Variants in ROBO1 observed in about 807,000 individuals in gnomAD.
The protein encoded by ROBO1 is roundabout homolog 1.
ROBO1 carries 149 observed loss-of-function variants against 195.9 expected under a neutral mutation model. The ratio of observed to expected loss-of-function variants is 0.76; its 90% CI spans 0.67 to 0.87. The LOEUF (loss-of-function observed/expected upper bound fraction) is 0.87. Ranked by LOEUF, ROBO1 falls within the 40% of genes least tolerant of loss-of-function variation. ROBO1 has a pLI of 0.00. For synonymous variants in ROBO1, 816 were observed against 733.2 expected, an observed-to-expected ratio of 1.11 and a Z score of -1.82; for missense variants, 1,933 against 2,068.3, an observed-to-expected ratio of 0.93 and a Z score of 1.27.
At chr3:79,037,759 A>C (rs933518765) in intron 3 of ROBO1, among the ~76,000 whole-genome samples, 2 of 152,166 alleles carry the variant, frequency 1.3e-5, no homozygotes, top group African/African-American at 4.8e-5. Flanking sequence ...ATTCAAAGTA[A>C]ATTGGACATA....
At chr3:78,807,991 T>C (rs2084602137) in intron 4 of ROBO1, among the ~76,000 whole-genome samples, 1 of 152,162 alleles carries the variant, frequency 6.6e-6, no homozygotes, top group South Asian at 2.1e-4. Context: ...CAATAAATAA[T>C]GAAGCCCTCA....
At chr3:79,462,664 TCTC>T (rs1018629874) in intron 2 of ROBO1, among the ~76,000 whole-genome samples, 25 of 152,160 alleles carry the variant, frequency 1.6e-4, no homozygotes, top group African/African-American at 6.0e-4. Flanking sequence ...TTCAAACAAA[TCTC>T]CTTCAGTGCA....
At chr3:78,650,207 A>G (rs1390780308) in intron 19 of ROBO1, among the ~76,000 whole-genome samples, 1 of 152,148 alleles carries the variant, frequency 6.6e-6, no homozygotes, top group Non-Finnish European at 1.5e-5. Flanking sequence ...ATATGGTAGC[A>G]TGTGCCTGAC....
intron 3 of ROBO1, among the ~76,000 whole-genome samples, chr3:78,943,795 A>G (rs1011064303): frequency 2.0e-5 from 3 of 152,200 alleles, no homozygotes; most frequent in African/African-American, 7.2e-5. Context: ...AGGATCAGCA[A>G]AAAACCTATT....
intron 4 of ROBO1, among the ~76,000 whole-genome samples, chr3:78,875,612 CAA>C (rs2035795139): frequency 6.6e-6 from 1 of 151,830 alleles, no homozygotes; most frequent in Non-Finnish European, 1.5e-5. Flanking sequence ...TCCACCAGTC[CAA>C]AAAAGACTGA....
intron 2 of ROBO1, among the ~76,000 whole-genome samples, chr3:79,411,891 C>T (rs753002182): frequency 6.6e-5 from 10 of 152,106 alleles, no homozygotes; most frequent in African/African-American, 9.7e-5. Flanking sequence ...AACAGAAATG[C>T]ACCAAGAATT....
intron 1 of ROBO1, among the ~76,000 whole-genome samples, chr3:79,759,250 A>G (rs528399569): frequency 6.6e-6 from 1 of 152,330 alleles, no homozygotes; most frequent in South Asian, 2.1e-4. Flanking sequence ...AATTTAATAT[A>G]ATATATACAA....
chr3:78,877,343 G>A (rs2107215203), intron 4 of ROBO1, among the ~76,000 whole-genome samples: 1 of 152,066 alleles, frequency 6.6e-6, no homozygotes, highest in Non-Finnish European at 1.5e-5. Flanking sequence ...GAAAGAGAAT[G>A]GAAGGACAAT....
At chr3:79,158,289 C>T (rs1444337749) in intron 2 of ROBO1, among the ~76,000 whole-genome samples, 1 of 150,680 alleles carries the variant, frequency 6.6e-6, no homozygotes, top group Non-Finnish European at 1.5e-5. Context: ...AAAATATATT[C>T]ATTTATATAT....
chr3:78,950,540 T>A (rs1442342377), intron 3 of ROBO1, among the ~76,000 whole-genome samples: 1 of 147,826 alleles, frequency 6.8e-6, no homozygotes, highest in Non-Finnish European at 1.5e-5. Context: ...AGGGATAAGC[T>A]TTAGGAGATA....
chr3:79,516,441 C>A (rs1003394252), intron 2 of ROBO1, among the ~76,000 whole-genome samples: 1 of 152,028 alleles, frequency 6.6e-6, no homozygotes, highest in Non-Finnish European at 1.5e-5. Context: ...AGTGGAAGGT[C>A]TCCTATTCAC....
chr3:79,606,009 T>TAC (rs1167083430), intron 1 of ROBO1, among the ~76,000 whole-genome samples: 1 of 146,314 alleles, frequency 6.8e-6, no homozygotes, highest in African/African-American at 2.6e-5. Context: ...TATATATATA[T>TAC]ACCCATTTAT....
At chr3:79,461,485 A>G (rs1937635257) in intron 2 of ROBO1, among the ~76,000 whole-genome samples, 1 of 152,152 alleles carries the variant, frequency 6.6e-6, no homozygotes, top group African/African-American at 2.4e-5. Flanking sequence ...GGTCTCCCCT[A>G]AGGCATCAAG....
At chr3:79,475,232 G>A (rs1938490983) in intron 2 of ROBO1, among the ~76,000 whole-genome samples, 1 of 151,618 alleles carries the variant, frequency 6.6e-6, no homozygotes, top group Non-Finnish European at 1.5e-5. Context: ...TGAATCATAA[G>A]GGTCAGAATC....
intron 4 of ROBO1, among the ~76,000 whole-genome samples, chr3:78,820,465 A>G (rs1473496188): frequency 1.3e-5 from 2 of 152,234 alleles, no homozygotes; most frequent in Non-Finnish European, 2.9e-5. Flanking sequence ...ATGTTAACGT[A>G]GGTAGAACAA....
In ROBO1 at chr3:78,839,633, T is replaced by C. The variant is rs570564144; in HGVS notation, c.500-92733A>G. On this transcript the variant is annotated intron_variant, in intron 4 of 30. Coordinates refer to ENST00000464233, the MANE Select transcript of ROBO1 (RefSeq NM_002941.4). Reference sequence around the variant, plus strand: ...CCCTTTCATTAGTAACAAATCCATGTTCATCCTAGCAACAGCATGATTTAT... The same window carrying C: ...CCCTTTCATTAGTAACAAATCCATGCTCATCCTAGCAACAGCATGATTTAT... 3.3e-5 allele frequency among the ~76,000 whole-genome samples: 5 copies of C among 152,286 alleles called. No homozygotes were observed. The South Asian group carries it at 1.0e-3, about 32-fold the overall frequency.
intron 1 of ROBO1, among the ~76,000 whole-genome samples, chr3:79,759,266 T>A (rs1248434774): frequency 6.6e-6 from 1 of 152,250 alleles, no homozygotes; most frequent in Non-Finnish European, 1.5e-5. Flanking sequence ...TACAATATGA[T>A]GGAATAATTT....
At chr3:79,519,600 G>A (rs1481142025) in intron 2 of ROBO1, among the ~76,000 whole-genome samples, 4 of 133,318 alleles carry the variant, frequency 3.0e-5, no homozygotes, top group Non-Finnish European at 6.1e-5. Context: ...CTGCACTCCA[G>A]CCTGGGTGAC....
intron 2 of ROBO1, among the ~76,000 whole-genome samples, chr3:79,216,552 G>A (rs2082058303): frequency 1.3e-5 from 2 of 151,768 alleles, no homozygotes; most frequent in Non-Finnish European, 2.9e-5. Context: ...TTTGACCAAG[G>A]GATCCTTTTC....
Sources: allele counts gnomAD v4.1 joint callset (sites outside exome capture counted in the v4.1 genomes callset), GRCh38; gene constraint gnomAD v4.1.1; transcripts MANE v1.5; gene names NCBI Gene and HGNC (gene_info 2026-07-23, HGNC 2026-07-21).